FANCD2: variants seen among roughly 807,000 people sequenced by gnomAD.
FANCD2 encodes the protein Fanconi anemia group D2 protein.
In FANCD2, 131 loss-of-function variants were observed where a neutral mutation model predicts 192.3. The ratio of observed to expected loss-of-function variants is 0.68; its 90% CI spans 0.59 to 0.79. The LOEUF is 0.79. FANCD2 is among the 30% of genes least tolerant of loss of function. The pLI is 0.00. For synonymous variants in FANCD2, 524 were observed against 612.5 expected, an observed-to-expected ratio of 0.86 and a Z score of 2.13; for missense variants, 1,508 against 1,701.6, an observed-to-expected ratio of 0.89 and a Z score of 2.00.
rs2087687646 is a variant in FANCD2, at chr3:10,065,328, T to G, written c.2169-66T>G. The G allele has an allele frequency of 6.8e-6, 7 of 1,032,290 alleles. No homozygotes were observed. The East Asian group carries it at 9.5e-5, about 14-fold the overall frequency. The allele number at this position is 1,032,290 out of a possible 1,614,324, so 63.9% of individuals were successfully genotyped here. On this transcript the variant is annotated intron_variant, in intron 23 of 43. Coordinates refer to ENST00000675286, the MANE Select transcript of FANCD2 (RefSeq NM_001018115.3). ...TGTTCCCTATGTATGTGGAGTAATA[T>G]CTCCCTATGTACGTGGAGTAATACA...
intron 29 of FANCD2, among the ~76,000 whole-genome samples, chr3:10,076,597 C>T (rs577535611): frequency 6.6e-6 from 1 of 152,228 alleles, no homozygotes; most frequent in South Asian, 2.1e-4. Context: ...GGCTGAAGTG[C>T]AGTGGCAAGA....
rs958061743 is a variant in FANCD2 at position 10,089,054 on chromosome 3, A to G, written c.3683+104A>G. ...TCCCAGCACTTTGGGAGGCTGAGGC[A>G]GGAGGATCACCTTGAGGTCAGGAGT... On this transcript the variant is annotated intron_variant, in intron 36 of 43. Transcript: ENST00000675286. 2.6e-5 allele frequency: 34 copies of G among 1,296,906 alleles called. 1 individual carries two copies. The African/African-American group carries it at 4.7e-4, about 18-fold the overall frequency. 80.3% of individuals were successfully genotyped at this position (1,296,906 alleles called of 1,614,324 possible).
Position 10,078,201 on chromosome 3 carries a change from AG to A in FANCD2, c.2976+5del. 6.4e-7 allele frequency: 1 copy of A among 1,565,046 alleles called. No individual in the cohort carries two copies. The highest frequency in any genetic ancestry group is 1.1e-5 in the South Asian group (1 of 90,112). ...CAGGAGAGTCCCCTTTCTCAAGGTTAGTGTAGGCAGAAGCATAGGACTTGGG... is the reference window on the plus strand; with the variant it reads ...CAGGAGAGTCCCCTTTCTCAAGGTTATGTAGGCAGAAGCATAGGACTTGGG... On this transcript the variant is annotated splice_donor_5th_base_variant and intron_variant, in intron 30 of 43. Transcript: ENST00000675286.
chr3:10,071,932 G>A (rs1245604820), intron 26 of FANCD2, among the ~76,000 whole-genome samples: 3 of 144,588 alleles, frequency 2.1e-5, no homozygotes, highest in African/African-American at 8.1e-5. Context: ...GCTAATTTTT[G>A]TACTTTTGGT....
intron 20 of FANCD2, among the ~76,000 whole-genome samples, chr3:10,062,883 C>G (rs1559387678): frequency 6.6e-6 from 1 of 151,998 alleles, no homozygotes; most frequent in Admixed American, 6.6e-5. Flanking sequence ...CGGGGTTTCA[C>G]CATGTTGGGG....
At chr3:10,050,391 A>G (rs546726120) in intron 17 of FANCD2, among the ~76,000 whole-genome samples, 103 of 150,988 alleles carry the variant, frequency 6.8e-4, no homozygotes, top group East Asian at 1.6e-3. Flanking sequence ...TTGGGAGGCC[A>G]AGGCGGGCAA....
intron 18 of FANCD2, among the ~76,000 whole-genome samples, chr3:10,057,703 A>T (rs761591272): frequency 7.9e-5 from 12 of 152,192 alleles, no homozygotes; most frequent in Non-Finnish European, 1.6e-4. Context: ...CTTTGTGAAA[A>T]GTTGAACATT....
At chr3:10,061,296 C>T (rs2087560546) in intron 19 of FANCD2, among the ~76,000 whole-genome samples, 1 of 152,238 alleles carries the variant, frequency 6.6e-6, no homozygotes, top group Non-Finnish European at 1.5e-5. Context: ...ATCTGCCTTT[C>T]TTTACCTACA....
intron 42 of FANCD2, among the ~76,000 whole-genome samples, 194 bp from the exon 43 acceptor site, chr3:10,098,526 G>T (rs559365923): frequency 1.3e-5 from 2 of 152,232 alleles, no homozygotes; most frequent in African/African-American, 2.4e-5. Flanking sequence ...TTGTATCAGG[G>T]CCACAGACAT....
At chr3:10,091,794 T>C (rs34632086) in intron 37 of FANCD2, among the ~76,000 whole-genome samples, 31,582 of 152,024 alleles carry the variant, frequency 0.21, 3,983 homozygotes, top group African/African-American at 0.35. Context: ...ACCCAAGACA[T>C]AGAAGAATCA....
At chr3:10,071,709 G>A (rs906230276) in intron 26 of FANCD2, among the ~76,000 whole-genome samples, 2 of 152,210 alleles carry the variant, frequency 1.3e-5, no homozygotes, top group African/African-American at 2.4e-5. Flanking sequence ...TGGGAAAAAT[G>A]AGGGTGGTTA....
chr3:10,040,098 G>C (rs1200304764), intron 9 of FANCD2: 1 of 469,688 alleles, frequency 2.1e-6, no homozygotes, highest in African/African-American at 2.0e-5. Flanking sequence ...GCAGTGGTGC[G>C]ATCTCAGCTC....
At chr3:10,078,314 G>A in intron 30 of FANCD2, 117 bp downstream of exon 30, 1 of 754,514 alleles carries the variant, frequency 1.3e-6, no homozygotes, top group Middle Eastern at 2.6e-4. Context: ...GGGTAGCATG[G>A]GTGCAGCCGT....
chr3:10,031,377 C>T (rs576213468), intron 2 of FANCD2, among the ~76,000 whole-genome samples: 2 of 152,062 alleles, frequency 1.3e-5, no homozygotes, highest in South Asian at 4.1e-4. Flanking sequence ...GTGGTGTGCA[C>T]CTGTAGTCCC....
intron 34 of FANCD2, among the ~76,000 whole-genome samples, chr3:10,087,540 T>A (rs1009469642): frequency 4.7e-5 from 7 of 149,590 alleles, no homozygotes; most frequent in South Asian, 4.2e-4. Context: ...AAAAAAAAAA[T>A]TTATCTGAGA....
At chr3:10,054,473 ATTT>A (rs55719769) in intron 18 of FANCD2, among the ~76,000 whole-genome samples, 2 of 8,408 alleles carry the variant, frequency 2.4e-4, no homozygotes, top group Admixed American at 2.4e-3. Context: ...ATATATATAT[ATTT>A]TTTTTTTTTT....
chr3:10,081,557 G>A (rs756389891), intron 32 of FANCD2, 93 bp downstream of exon 32: 38 of 929,324 alleles, frequency 4.1e-5, no homozygotes, highest in Non-Finnish European at 6.6e-5. Context: ...GAAAGAAAAG[G>A]TTCAAAAATC....
chr3:10,039,543 C>T (rs538541103), intron 8 of FANCD2, among the ~76,000 whole-genome samples, 178 bp from the exon 9 acceptor site: 74 of 151,950 alleles, frequency 4.9e-4, no homozygotes, highest in African/African-American at 1.6e-3. Flanking sequence ...AGTTTAAATA[C>T]GAAGAGTAGA....
chr3:10,078,047 A>T (rs746194721), intron 29 of FANCD2, 34 bp from the exon 30 acceptor site: 1 of 1,367,596 alleles, frequency 7.3e-7, no homozygotes, highest in Admixed American at 1.7e-5. Flanking sequence ...TGACTAGGAC[A>T]TTCCTGGAAC....
Sources: allele counts gnomAD v4.1 joint callset (sites outside exome capture counted in the v4.1 genomes callset), GRCh38; gene constraint gnomAD v4.1.1; transcripts MANE v1.5; gene names NCBI Gene and HGNC (gene_info 2026-07-23, HGNC 2026-07-21).